Variants in PAK5 observed in about 807,000 individuals in gnomAD.
PAK5 encodes the protein serine/threonine-protein kinase PAK 5.
Under a neutral mutation model 65.9 loss-of-function variants are expected in PAK5, and 16 were observed. The observed-to-expected ratio is 0.24, with a 90% CI of 0.16 to 0.37. The LOEUF is 0.37. PAK5 is among the 10% of genes least tolerant of loss of function. PAK5 has a pLI of 1.00. For missense variants in PAK5, 785 were observed against 903.9 expected (o/e 0.87, Z 1.69); for synonymous variants, 371 against 354.9 (o/e 1.05, Z -0.51).
At chr20:9,563,420 G>A (rs539477117) in intron 5 of PAK5, among the ~76,000 whole-genome samples, 180 of 152,246 alleles carry the variant, frequency 1.2e-3, no homozygotes, top group African/African-American at 4.2e-3. Flanking sequence ...TCACCAACTC[G>A]TAGTAATTGA....
At chr20:9,671,260 CT>C in intron 2 of PAK5, among the ~76,000 whole-genome samples, 2 of 152,236 alleles carry the variant, frequency 1.3e-5, no homozygotes, top group South Asian at 4.2e-4. Flanking sequence ...AATGTGGGCT[CT>C]TTTTTCATTC....
In PAK5 at chr20:9,566,254, G is replaced by A. The variant is rs924744761; in HGVS notation, c.1121C>T (p.Pro374Leu). The change falls in exon 5 of 10, where the codon CCG becomes CTG. Residue 374 changes from proline (P) to leucine (L), a missense_variant. Pro to Leu is a moderately conservative substitution (Grantham distance 98). Around this residue, in one of 4 missense-constraint regions of PAK5, gnomAD observed 422 missense variants for 413.3 expected, o/e 1.02. Transcript: ENST00000353224. ...SGYSSSSHQYPSGYHKATLYH... is the reference protein window; with the variant it reads ...SGYSSSSHQYLSGYHKATLYH... ...CAAGGTGGCTTTGTGGTACCCAGAC[G>A]GGTACTGGTGACTGCTTGAGGAATA... 1.2e-6 allele frequency: 2 copies of A among 1,613,776 alleles called. No homozygotes were observed. The highest frequency in any genetic ancestry group is 3.3e-5 in the Admixed American group (2 of 60,008).
At chr20:9,604,308 TA>T (rs750384645) in intron 3 of PAK5, among the ~76,000 whole-genome samples, 30 of 152,214 alleles carry the variant, frequency 2.0e-4, no homozygotes, top group Non-Finnish European at 3.4e-4. Context: ...AAATGCTACA[TA>T]AACTGCATGC....
At chr20:9,542,243 C>T (rs1436918881) in intron 9 of PAK5, among the ~76,000 whole-genome samples, 1 of 152,152 alleles carries the variant, frequency 6.6e-6, no homozygotes, top group Non-Finnish European at 1.5e-5. Context: ...TGGGGTCATG[C>T]ACGGTGACAT....
intron 3 of PAK5, among the ~76,000 whole-genome samples, chr20:9,613,256 G>T (rs1437431730): frequency 2.0e-5 from 3 of 152,240 alleles, no homozygotes; most frequent in Non-Finnish European, 4.4e-5. Context: ...AATCTTCTTA[G>T]TTCTGTCAGA....
intron 2 of PAK5, among the ~76,000 whole-genome samples, chr20:9,710,700 C>A (rs1315229849): frequency 6.6e-6 from 1 of 152,114 alleles, no homozygotes; most frequent in Non-Finnish European, 1.5e-5. Flanking sequence ...AATATAAATT[C>A]TTTCATTCAC....
chr20:9,725,141 A>G (rs2048261772), intron 1 of PAK5, among the ~76,000 whole-genome samples: 1 of 152,158 alleles, frequency 6.6e-6, no homozygotes, highest in Admixed American at 6.5e-5. Context: ...GTGCCCTGCA[A>G]CACTAGATGT....
At chr20:9,816,311 A>G (rs1191645220) in intron 1 of PAK5, among the ~76,000 whole-genome samples, 1 of 152,224 alleles carries the variant, frequency 6.6e-6, no homozygotes, top group African/African-American at 2.4e-5. Context: ...TATCTGTCCC[A>G]TTAATAGCGA....
chr20:9,816,968 T>G (rs1393692622), intron 1 of PAK5, among the ~76,000 whole-genome samples: 1 of 152,006 alleles, frequency 6.6e-6, no homozygotes, highest in African/African-American at 2.4e-5. Context: ...AGGAGGAAAC[T>G]TATAGTATAA....
chr20:9,803,457 C>T lies in PAK5; in HGVS notation c.-162+35305G>A, dbSNP rs74823987. Among the ~76,000 whole-genome samples, 1,271 of 152,116 alleles carry T rather than the reference C, an allele frequency of 8.4e-3. 15 individuals carry two copies. Among genetic ancestry groups the T allele is most frequent in the African/African-American group, 0.029 (1,204 of 41,488 alleles). On this transcript the variant is annotated intron_variant, in intron 1 of 9. Coordinates refer to ENST00000353224, the MANE Select transcript of PAK5 (RefSeq NM_177990.4). The stretch of plus-strand genomic sequence containing the variant: ...AGAGAATATAGGGACAAATAAGGGT[C>T]CCTATGTGAAAATGGAGATATTTTA...
At chr20:9,744,883 A>G (rs1347974262) in intron 1 of PAK5, among the ~76,000 whole-genome samples, 1 of 152,152 alleles carries the variant, frequency 6.6e-6, no homozygotes, top group Non-Finnish European at 1.5e-5. Context: ...CTGTGGTTTC[A>G]GCAAAATCAG....
At chr20:9,723,625 T>C (rs746973084) in intron 1 of PAK5, among the ~76,000 whole-genome samples, 1 of 152,196 alleles carries the variant, frequency 6.6e-6, no homozygotes, top group Admixed American at 6.5e-5. Context: ...TACTTGTGCA[T>C]TTCGAACTGT....
At chr20:9,722,394 C>T (rs2048225983) in intron 1 of PAK5, among the ~76,000 whole-genome samples, 1 of 151,910 alleles carries the variant, frequency 6.6e-6, no homozygotes, top group Non-Finnish European at 1.5e-5. Flanking sequence ...CGTGTAATCA[C>T]GAGGTCAGGA....
At chr20:9,747,886 A>T (rs540300468) in intron 1 of PAK5, among the ~76,000 whole-genome samples, 1 of 151,598 alleles carries the variant, frequency 6.6e-6, no homozygotes, top group African/African-American at 2.4e-5. Flanking sequence ...GGAAAAGAGG[A>T]AGTCAAATTG....
chr20:9,617,162 A>G (rs2046672211), intron 3 of PAK5, among the ~76,000 whole-genome samples: 1 of 152,236 alleles, frequency 6.6e-6, no homozygotes, highest in African/African-American at 2.4e-5. Context: ...ATTCGATTGC[A>G]TTTATAACTG....
intron 1 of PAK5, among the ~76,000 whole-genome samples, chr20:9,732,875 G>T (rs908484845): frequency 6.6e-6 from 1 of 152,178 alleles, no homozygotes; most frequent in Non-Finnish European, 1.5e-5. Context: ...AAGAAATGGT[G>T]CTTGCGTAGA....
chr20:9,766,522 AATATATAT>A (rs74209304), intron 1 of PAK5, among the ~76,000 whole-genome samples: 22,226 of 36,166 alleles, frequency 0.61, 8,180 homozygotes, highest in East Asian at 0.78. Flanking sequence ...ATTCAAGCAG[AATATATAT>A]ATATATATAT....
intron 3 of PAK5, among the ~76,000 whole-genome samples, chr20:9,637,392 A>G (rs1312847618): frequency 6.6e-6 from 1 of 152,188 alleles, no homozygotes; most frequent in Non-Finnish European, 1.5e-5. Flanking sequence ...TCTCCATTGT[A>G]TACACAGGAA....
chr20:9,793,353 T>C (rs2049070408), intron 1 of PAK5, among the ~76,000 whole-genome samples: 1 of 152,124 alleles, frequency 6.6e-6, no homozygotes, highest in Admixed American at 6.6e-5. Context: ...TGTATGCTGT[T>C]ACAAAGTAGC....
Sources: allele counts gnomAD v4.1 joint callset (sites outside exome capture counted in the v4.1 genomes callset), GRCh38; gene constraint gnomAD v4.1.1; regional missense constraint gnomAD v4.1.1; transcripts MANE v1.5; gene names NCBI Gene and HGNC (gene_info 2026-07-23, HGNC 2026-07-21).